DCAF5: variants seen among roughly 807,000 people sequenced by gnomAD.
DCAF5 encodes the protein DDB1- and CUL4-associated factor 5.
In DCAF5, 9 loss-of-function variants were observed where a neutral mutation model predicts 80.7. That is an observed-to-expected ratio of 0.11 (90% confidence interval 0.07 to 0.19). The LOEUF is 0.19. Ranked by LOEUF, DCAF5 falls within the 10% of genes least tolerant of loss-of-function variation. The pLI is 1.00. For missense variants in DCAF5, 842 were observed against 1,205.7 expected (o/e 0.70, Z 4.47); for synonymous variants, 433 against 461.9 (o/e 0.94, Z 0.80).
intron 8 of DCAF5, among the ~76,000 whole-genome samples, chr14:69,059,209 C>T (rs887175108): frequency 2.0e-5 from 3 of 152,086 alleles, no homozygotes; most frequent in African/African-American, 2.4e-5. Flanking sequence ...CTCAGCCTCC[C>T]GAGTAACTGA....
rs1316461559 is a variant in DCAF5, at chr14:69,098,627, T to TA, written c.666-6741dup. On this transcript the variant is annotated intron_variant, in intron 5 of 8. Transcript: ENST00000341516. ...GGCCAGGCACGGCGGCTCACGCCTG[T>TA]AATCCCAGCACTTTGGGAGGCCGAG... Among the ~76,000 whole-genome samples the TA allele has an allele frequency of 4.7e-5, 7 of 150,366 alleles. No homozygotes were observed. In the South Asian group the frequency reaches 1.0e-3, roughly 22 times the overall value.
At chr14:69,100,560 C>A (rs6573869) in intron 5 of DCAF5, among the ~76,000 whole-genome samples, 46,280 of 152,032 alleles carry the variant, frequency 0.3, 9,374 homozygotes, top group East Asian at 0.9. Context: ...AGATACAAAA[C>A]AAGTTTCCCT....
chr14:69,061,011 A>AT lies in DCAF5; in HGVS notation c.1074+1372dup, dbSNP rs574427953. ...AGTCATTTTAATAAAAAAATTGAGG[A>AT]TTTTTTTTTTTTAAACAAGGGTCTC... is the stretch of plus-strand genomic sequence containing the variant. On this transcript the variant is annotated intron_variant, in intron 8 of 8. Coordinates refer to ENST00000341516, the MANE Select transcript of DCAF5 (RefSeq NM_003861.3). Among the ~76,000 whole-genome samples, 306 of 146,440 alleles carry AT rather than the reference A, an allele frequency of 2.1e-3. 4 individuals are homozygous for AT. In the South Asian group the frequency reaches 0.028, roughly 13 times the overall value.
In DCAF5 at chr14:69,054,590, T is replaced by C. The variant is rs536721036; in HGVS notation, c.2096A>G (p.Lys699Arg). The change falls in exon 9 of 9, where the codon AAA becomes AGA. Residue 699 changes from lysine to arginine, a missense_variant. By Grantham distance (26) the Lys-to-Arg change is conservative. Around this residue, in one of 5 missense-constraint regions of DCAF5, gnomAD observed 607 missense variants for 656.6 expected, o/e 0.92. Coordinates refer to ENST00000341516, the MANE Select transcript of DCAF5 (RefSeq NM_003861.3). ...ACTGGAAGAAGGGGCTGGGTTGTCT[T>C]TGTGGCTGGTTCCTGCTCTCCCTTC... ...ADEGRAGTSH[K>R]DNPAPSSSKE... 4 of 1,614,210 alleles carry C rather than the reference T, an allele frequency of 2.5e-6. No homozygotes were observed. The highest frequency in any genetic ancestry group is 1.3e-5 in the African/African-American group (1 of 75,066).
chr14:69,147,042 T>A (rs528397576), intron 1 of DCAF5, among the ~76,000 whole-genome samples: 60 of 151,958 alleles, frequency 3.9e-4, no homozygotes, highest in African/African-American at 1.3e-3. Context: ...GCAGATAATG[T>A]GCTTTTAGAC....
At chr14:69,072,472 G>A (rs1251551164) in intron 7 of DCAF5, among the ~76,000 whole-genome samples, 2 of 151,958 alleles carry the variant, frequency 1.3e-5, no homozygotes, top group Non-Finnish European at 2.9e-5. Flanking sequence ...GCCAGGCACA[G>A]TGATGCACAC....
At chr14:69,108,145 G>T (rs1303439318) in intron 5 of DCAF5, among the ~76,000 whole-genome samples, 1 of 152,206 alleles carries the variant, frequency 6.6e-6, no homozygotes, top group Non-Finnish European at 1.5e-5. Context: ...ACTTTACAGA[G>T]ATTCTGAATG....
At chr14:69,138,757 C>T (rs977288597) in intron 1 of DCAF5, among the ~76,000 whole-genome samples, 4 of 152,182 alleles carry the variant, frequency 2.6e-5, no homozygotes, top group Non-Finnish European at 5.9e-5. Flanking sequence ...CAACAAAATT[C>T]TGTAATTCTA....
chr14:69,115,188 G>A (rs2040503774), intron 5 of DCAF5, among the ~76,000 whole-genome samples: 1 of 152,150 alleles, frequency 6.6e-6, no homozygotes, highest in South Asian at 2.1e-4. Flanking sequence ...AGGCACATCA[G>A]GGGTCCTGCC....
intron 6 of DCAF5, among the ~76,000 whole-genome samples, chr14:69,077,248 G>A (rs2038934664): frequency 6.6e-6 from 1 of 152,196 alleles, no homozygotes; most frequent in Admixed American, 6.5e-5. Flanking sequence ...TGTTGCCCAT[G>A]CTAGAGTGCA....
At chr14:69,087,269 T>C (rs1876998920) in intron 6 of DCAF5, among the ~76,000 whole-genome samples, 1 of 152,140 alleles carries the variant, frequency 6.6e-6, no homozygotes, top group South Asian at 2.1e-4. Flanking sequence ...ACTCGCTCAC[T>C]GAGTATGTAG....
intron 5 of DCAF5, among the ~76,000 whole-genome samples, chr14:69,108,078 T>G (rs904103663): frequency 6.6e-6 from 1 of 152,208 alleles, no homozygotes; most frequent in Non-Finnish European, 1.5e-5. Context: ...TATGAATAAC[T>G]AATGATGGCA....
At chr14:69,083,609 A>T in intron 6 of DCAF5, 1 of 531,818 alleles carries the variant, frequency 1.9e-6, no homozygotes, top group Non-Finnish European at 3.5e-6. Flanking sequence ...CAAAATGGAG[A>T]TGTGTCTCAA....
chr14:69,107,303 G>A (rs1035944764), intron 5 of DCAF5, among the ~76,000 whole-genome samples: 3 of 152,132 alleles, frequency 2.0e-5, no homozygotes, highest in African/African-American at 4.8e-5. Flanking sequence ...CAAAGACCCT[G>A]GGTCTGAGTG....
intron 7 of DCAF5, among the ~76,000 whole-genome samples, chr14:69,065,791 CCT>C (rs1263465891): frequency 6.6e-6 from 1 of 152,178 alleles, no homozygotes. Flanking sequence ...GGTCTCCTTT[CCT>C]CTGTCATCTA....
chr14:69,091,859 A>G lies in DCAF5; in HGVS notation c.694T>C (p.Ser232Pro), dbSNP rs2039543062. The change falls in exon 6 of 9, where the codon TCC (serine) becomes CCC (proline). Residue 232 changes from serine to proline, a missense_variant. Ser to Pro is a moderately conservative substitution (Grantham distance 74). Coordinates refer to ENST00000341516, the MANE Select transcript of DCAF5 (RefSeq NM_003861.3). ...SSLLRYGGNL[S>P]LQSAMSVRFN... Reference sequence around the variant, plus strand: ...CGTACACTCATGGCACTTTGGAGGGACAGGTTTCCACCATAGCGCAGGAGA... The same window carrying G: ...CGTACACTCATGGCACTTTGGAGGGGCAGGTTTCCACCATAGCGCAGGAGA... The G allele has an allele frequency of 6.2e-7, 1 of 1,613,782 alleles. No homozygotes were observed. The highest frequency in any genetic ancestry group is 8.5e-7 in the Non-Finnish European group (1 of 1,179,836).
Position 69,152,273 on chromosome 14 carries a change from C to G in DCAF5, c.214+492G>C, listed in dbSNP as rs2041731177. 6.5e-6 allele frequency: 1 copy of G among 153,398 alleles called. No homozygotes were observed. Among genetic ancestry groups the G allele is most frequent in the Admixed American group, 6.5e-5 (1 of 15,350 alleles). The allele number at this position is 153,398 out of a possible 1,614,324, so 9.5% of individuals were successfully genotyped here. ...CCCCGGGTCGCAGCCCCCGGCCCCT[C>G]GGCGTCCGGGTCTGTCACCGCCCGC... On this transcript the variant is annotated intron_variant, in intron 1 of 8. Transcript: ENST00000341516. This position sits in a 1 kb window ranked among gnomAD's most constrained non-coding sequence, Gnocchi z 4.1.
chr14:69,103,960 G>T (rs868828219), intron 5 of DCAF5, among the ~76,000 whole-genome samples: 1 of 152,272 alleles, frequency 6.6e-6, no homozygotes, highest in South Asian at 2.1e-4. Context: ...TCATCACTGA[G>T]TAGCAGTCTG....
intron 1 of DCAF5, chr14:69,143,881 T>C (rs2041453963): frequency 6.6e-6 from 1 of 152,022 alleles, no homozygotes; most frequent in Non-Finnish European, 1.5e-5. Context: ...GCAATAGGAG[T>C]GGAAAAGGAA....
Sources: allele counts gnomAD v4.1 joint callset (sites outside exome capture counted in the v4.1 genomes callset), GRCh38; gene constraint gnomAD v4.1.1; regional missense constraint gnomAD v4.1.1; non-coding constraint Gnocchi (gnomAD v3.1); transcripts MANE v1.5; gene names NCBI Gene and HGNC (gene_info 2026-07-23, HGNC 2026-07-21).